BSN: variants seen among roughly 807,000 people sequenced by gnomAD.
The protein encoded by BSN is protein bassoon.
A neutral mutation model predicts 264.8 loss-of-function variants in BSN; 57 were observed. The observed-to-expected ratio is 0.22, with a 90% CI of 0.17 to 0.27. The LOEUF (loss-of-function observed/expected upper bound fraction) is 0.27. BSN is among the 10% of genes least tolerant of loss of function. The pLI, the probability that BSN is intolerant of heterozygous loss-of-function variation, is 1.00. For missense variants in BSN, 4,615 were observed against 5,232.5 expected, an observed-to-expected ratio of 0.88 and a Z score of 3.64; for synonymous variants, 2,059 against 2,137.3, an observed-to-expected ratio of 0.96 and a Z score of 1.01.
rs766482745 is a variant in BSN at position 49,658,098 on chromosome 3, C to T, written c.8542C>T (p.Arg2848Trp). ...GCCTCGCCCCATGAAGACCCTGCAG[C>T]GGTCCCTGTCTGACCCTAAGCCCCT... ...TLPRPMKTLQ[R>W]SLSDPKPLSP... Residue 2848 changes from arginine to tryptophan, a missense_variant, in exon 5 of 12, where the codon CGG becomes TGG. Physicochemically the swap from Arg to Trp is moderately radical, Grantham distance 101 (BLOSUM62 -3). Transcript: ENST00000296452. The T allele has an allele frequency of 6.8e-6, 11 of 1,613,016 alleles. No individual in the cohort carries two copies. Among genetic ancestry groups the T allele is most frequent in the Admixed American group, 1.7e-5 (1 of 59,982 alleles).
At position 49,651,110 on chromosome 3, in the gene BSN, G is replaced by A. The variant is rs775719724; in HGVS notation, c.1986+31G>A. 7 of 1,582,838 alleles carry A rather than the reference G, an allele frequency of 4.4e-6. No individual in the cohort carries two copies. The Admixed American group carries it at 9.7e-5, about 22-fold the overall frequency. ...TCCCATTCACTTCCCAGAGACCCTAGCTTTCAGACAGGACAGTCTATGGAA... is the reference window on the plus strand; with the variant it reads ...TCCCATTCACTTCCCAGAGACCCTAACTTTCAGACAGGACAGTCTATGGAA... On this transcript the variant is annotated intron_variant, in intron 4 of 11. Coordinates refer to ENST00000296452, the MANE Select transcript of BSN (RefSeq NM_003458.4). The surrounding 1 kb of genome is among the most constrained non-coding windows in gnomAD (Gnocchi z 5.4).
downstream of BSN, among the ~76,000 whole-genome samples, chr3:49,671,702 C>T (rs1264797321): frequency 2.0e-5 from 3 of 152,234 alleles, no homozygotes; most frequent in Admixed American, 2.0e-4. This position sits in a 1 kb window ranked among gnomAD's most constrained non-coding sequence, Gnocchi z 4.1. Context: ...CACACCAAGC[C>T]ATCCAAAGAC....
intron 1 of BSN, among the ~76,000 whole-genome samples, chr3:49,575,387 T>A (rs937803641): frequency 6.7e-6 from 1 of 148,696 alleles, no homozygotes; most frequent in Admixed American, 6.8e-5. Flanking sequence ...TATATGTAAA[T>A]ATATATGTGT....
rs770882048 is a variant in BSN, at chr3:49,652,896, G to A, written c.3340G>A (p.Glu1114Lys). The change falls in exon 5 of 12, where the codon GAG becomes AAG. Residue 1114 changes from glutamate (E) to lysine (K), a missense_variant. By Grantham distance (56) the Glu-to-Lys change is moderately conservative. This residue lies in a region of BSN where 3,415 missense variants were observed against 3,866.4 expected (regional missense o/e 0.88). Transcript: ENST00000296452. ...SPTEELRQAAEMEELHRSSCS... is the reference protein window; with the variant it reads ...SPTEELRQAAKMEELHRSSCS... ...GACGGAGGAGCTGAGGCAGGCGGCC[G>A]AGATGGAGGAGCTACACCGCTCCTC... The A allele has an allele frequency of 2.5e-6, 4 of 1,609,626 alleles. No homozygotes were observed. The highest frequency in any genetic ancestry group is 2.5e-6 in the Non-Finnish European group (3 of 1,177,106).
chr3:49,643,124 G>T lies in BSN; in HGVS notation c.1490G>T (p.Gly497Val), dbSNP rs1575445590. ...TCRLQVCNLC[G>V]FNPTPHLVEK... is the part of the protein sequence containing the mutation. ...AGGCTCCAGGTGTGCAACCTGTGTG[G>T]CTTCAACCCAACACCCCACCTGGTG... The change falls in exon 3 of 12, where the codon GGC (glycine) becomes GTC (valine). Residue 497 changes from glycine (G) to valine (V), a missense_variant. Gly to Val is a moderately radical substitution (Grantham distance 109, BLOSUM62 -3). This residue lies in a region of BSN where 1,197 missense variants were observed against 1,348.0 expected (regional missense o/e 0.89). Coordinates refer to ENST00000296452, the MANE Select transcript of BSN (RefSeq NM_003458.4). The T allele has an allele frequency of 6.2e-7, 1 of 1,611,396 alleles. No individual in the cohort carries two copies. The highest frequency in any genetic ancestry group is 2.2e-5 in the East Asian group (1 of 44,802).
intron 1 of BSN, among the ~76,000 whole-genome samples, chr3:49,616,258 A>G (rs947623825): frequency 6.6e-6 from 1 of 152,208 alleles, no homozygotes; most frequent in African/African-American, 2.4e-5. Context: ...GAGAAGCTCT[A>G]GGACACTGGA....
chr3:49,662,610 G>T (rs370514573), intron 6 of BSN, 48 bp downstream of exon 6: 426 of 1,542,874 alleles, frequency 2.8e-4, no homozygotes, highest in Non-Finnish European at 3.6e-4. Flanking sequence ...CAGCTGGGGG[G>T]CCTGCCTACC....
intron 1 of BSN, among the ~76,000 whole-genome samples, chr3:49,604,130 C>A (rs1228574130): frequency 1.3e-5 from 2 of 151,814 alleles, no homozygotes; most frequent in African/African-American, 4.8e-5. Flanking sequence ...CACTATGTTA[C>A]CCAGGTTGGC....
chr3:49,579,154 A>T (rs2051873248), intron 1 of BSN, among the ~76,000 whole-genome samples: 1 of 141,808 alleles, frequency 7.1e-6, no homozygotes, highest in East Asian at 2.0e-4. Flanking sequence ...TGCCTGGCTA[A>T]TTTTTTTTTT....
rs149879274 is a variant in BSN at position 49,638,911 on chromosome 3, T to C, written c.634-3357T>C. On this transcript the variant is annotated intron_variant, in intron 2 of 11. Coordinates refer to ENST00000296452, the MANE Select transcript of BSN (RefSeq NM_003458.4). The surrounding 1 kb of genome is among the most constrained non-coding windows in gnomAD (Gnocchi z 4.3). ...CCAGGTGAATGAGAGAGATGGGACG[T>C]TGGGTGTGGGCTGGGCACCCACGGG... Among the ~76,000 whole-genome samples, 21 of 152,244 alleles carry C rather than the reference T, an allele frequency of 1.4e-4. No homozygotes were observed. In the East Asian group the frequency reaches 3.9e-3, roughly 28 times the overall value.
In BSN at chr3:49,671,466, G is replaced by A. The variant is rs546155027; in HGVS notation, c.*3981G>A. On this transcript the variant is annotated 3_prime_UTR_variant, in exon 12 of 12. Coordinates refer to ENST00000296452, the MANE Select transcript of BSN (RefSeq NM_003458.4). This position sits in a 1 kb window ranked among gnomAD's most constrained non-coding sequence, Gnocchi z 4.1. ...GTCCTTCTGTGCTCTGTGAGAACTC[G>A]TGGTACTTCAGTGTCCCTCCCCCTG... The A allele has an allele frequency of 3.3e-5, 5 of 152,582 alleles. No homozygotes were observed. Among genetic ancestry groups the A allele is most frequent in the Non-Finnish European group, 7.3e-5 (5 of 68,030 alleles). 9.5% of individuals were successfully genotyped at this position (152,582 alleles called of 1,614,324 possible).
Position 49,655,417 on chromosome 3 carries a change from C to A in BSN, c.5861C>A (p.Thr1954Asn). 6.4e-7 allele frequency: 1 copy of A among 1,570,100 alleles called. No individual in the cohort carries two copies. The highest frequency in any genetic ancestry group is 8.6e-7 in the Non-Finnish European group (1 of 1,157,796). The change falls in exon 5 of 12, where the codon ACC (threonine) becomes AAC (asparagine). Residue 1954 changes from threonine to asparagine, a missense_variant. This residue lies in a region of BSN where 3,415 missense variants were observed against 3,866.4 expected (regional missense o/e 0.88). Coordinates refer to ENST00000296452, the MANE Select transcript of BSN (RefSeq NM_003458.4). ...PRDPEPPEPP[T>N]YRAQGVVGPG... ...GACCCTGAGCCTCCTGAGCCCCCAA[C>A]CTACCGGGCACAGGGGGTGGTGGGG...
At chr3:49,589,419 A>G (rs191669654) in intron 1 of BSN, among the ~76,000 whole-genome samples, 57 of 151,904 alleles carry the variant, frequency 3.8e-4, no homozygotes, top group African/African-American at 1.2e-3. Context: ...TCTTAGGTCT[A>G]TGTATGTGTA....
chr3:49,653,559 C>A lies in BSN; in HGVS notation c.4003C>A (p.Arg1335=), dbSNP rs1464942487. 2.5e-6 allele frequency: 4 copies of A among 1,613,920 alleles called. No individual in the cohort carries two copies. Among genetic ancestry groups the A allele is most frequent in the Admixed American group, 1.7e-5 (1 of 60,004 alleles). Residue 1335 remains arginine (R), a synonymous_variant, in exon 5 of 12, where the codon CGA becomes AGA. Coordinates refer to ENST00000296452, the MANE Select transcript of BSN (RefSeq NM_003458.4). This position sits in a 1 kb window ranked among gnomAD's most constrained non-coding sequence, Gnocchi z 6.3. ...TPTSSDSSGG[R]VIPDVRVTQH... Reference sequence around the variant, plus strand: ...CACCTCCTCAGACAGCAGCGGGGGCCGAGTTATTCCCGATGTCCGTGTCAC... The same window carrying A: ...CACCTCCTCAGACAGCAGCGGGGGCAGAGTTATTCCCGATGTCCGTGTCAC...
chr3:49,613,303 C>CAA (rs2052223343), intron 1 of BSN, among the ~76,000 whole-genome samples: 195 of 47,312 alleles, frequency 4.1e-3, no homozygotes, highest in Non-Finnish European at 6.3e-3. Context: ...ACACACAGAG[C>CAA]GAGAGAGAGA....
At chr3:49,596,321 G>A (rs188627010) in intron 1 of BSN, among the ~76,000 whole-genome samples, 191 of 152,186 alleles carry the variant, frequency 1.3e-3, no homozygotes, top group African/African-American at 4.4e-3. Flanking sequence ...GGAGAATGGC[G>A]TGAACCTAGG....
At chr3:49,616,337 G>A (rs556588384) in intron 1 of BSN, among the ~76,000 whole-genome samples, 10 of 152,312 alleles carry the variant, frequency 6.6e-5, no homozygotes, top group Non-Finnish European at 1.0e-4. Flanking sequence ...CCACTGGCGT[G>A]GCCCAGTAGT....
At chr3:49,658,620 C>T (rs1483168441) in intron 5 of BSN, among the ~76,000 whole-genome samples, 3 of 152,202 alleles carry the variant, frequency 2.0e-5, no homozygotes, top group Admixed American at 1.3e-4. Context: ...CGGCTGCTCT[C>T]GTCCTCTCAG....
Position 49,554,882 on chromosome 3 carries a change from C to T in BSN, c.224+56C>T. 5 of 1,073,010 alleles carry T rather than the reference C, an allele frequency of 4.7e-6. No individual in the cohort carries two copies. The South Asian group carries it at 2.3e-4, about 50-fold the overall frequency. 66.5% of individuals were successfully genotyped at this position (1,073,010 alleles called of 1,614,324 possible). ...GTGAGCTGCAGCCTGAGGCCGGGAC[C>T]CGGGCCCAGGATCCCGCGATCTAGT... On this transcript the variant is annotated intron_variant, in intron 1 of 11. Transcript: ENST00000296452.
Sources: allele counts gnomAD v4.1 joint callset (sites outside exome capture counted in the v4.1 genomes callset), GRCh38; gene constraint gnomAD v4.1.1; regional missense constraint gnomAD v4.1.1; non-coding constraint Gnocchi (gnomAD v3.1); transcripts MANE v1.5; gene names NCBI Gene and HGNC (gene_info 2026-07-23, HGNC 2026-07-21).